SMCR8: variants seen among roughly 807,000 people sequenced by gnomAD.
SMCR8 encodes the protein SMCR8-C9orf72 complex subunit.
In SMCR8, 30 loss-of-function variants were observed where a neutral mutation model predicts 56.6. The observed-to-expected ratio is 0.53, with a 90% confidence interval of 0.40 to 0.72. The LOEUF (loss-of-function observed/expected upper bound fraction) is 0.72. Ranked by LOEUF, SMCR8 falls within the 30% of genes least tolerant of loss-of-function variation. The pLI is 0.00. For missense variants in SMCR8, 1,198 were observed against 1,157.0 expected (o/e 1.04, Z -0.51); for synonymous variants, 538 against 456.0 (o/e 1.18, Z -2.29).
Position 18,317,634 on chromosome 17 carries a change from C to G in SMCR8, c.1845C>G (p.Pro615=), listed in dbSNP as rs766486326. The G allele has an allele frequency of 1.2e-6, 2 of 1,614,150 alleles. No individual in the cohort carries two copies. The highest frequency in any genetic ancestry group is 1.7e-6 in the Non-Finnish European group (2 of 1,180,034). ...HSDEDGVVSS[P]PQRHRQKDQG... ...ACGAGGATGGGGTGGTGAGCAGCCC[C>G]CCACAGCGCCACAGGCAGAAGGACC... The change falls in exon 1 of 2, where the codon CCC becomes CCG. Residue 615 remains proline, a synonymous_variant. Coordinates refer to ENST00000406438, the MANE Select transcript of SMCR8 (RefSeq NM_144775.3).
chr17:18,321,528 C>T (rs1023633536), intron 1 of SMCR8, among the ~76,000 whole-genome samples: 3 of 152,234 alleles, frequency 2.0e-5, no homozygotes, highest in Admixed American at 6.5e-5. Flanking sequence ...GTCTCCACAG[C>T]GACCCCATGA....
chr17:18,318,251 C>A, intron 1 of SMCR8, 102 bp downstream of exon 1: 1 of 1,091,400 alleles, frequency 9.2e-7, no homozygotes, highest in Non-Finnish European at 1.3e-6. Flanking sequence ...TAGACAGGGC[C>A]CAGTTCCTAC....
rs142656271 is a variant in SMCR8 at position 18,321,669 on chromosome 17, A to G, written c.2361-948A>G. On this transcript the variant is annotated intron_variant, in intron 1 of 1. Transcript: ENST00000406438. ...AGCCTGGGAAACATAGCAAACTTCC[A>G]TCTCTACAAAAAATTATCTGGGTGT... Among the ~76,000 whole-genome samples, 15 of 152,284 alleles carry G rather than the reference A, an allele frequency of 9.9e-5. No individual in the cohort carries two copies. The East Asian group carries it at 2.5e-3, about 25-fold the overall frequency.
At position 18,324,864 on chromosome 17, in the gene SMCR8, C is replaced by T. The variant is rs1329284729; in HGVS notation, c.*1794C>T. ...GCCTACATCTCATTGGTTCTCTGTACCTGTGCCCGTTGCGCATGTTCACAG... is the reference window on the plus strand; with the variant it reads ...GCCTACATCTCATTGGTTCTCTGTATCTGTGCCCGTTGCGCATGTTCACAG... On this transcript the variant is annotated 3_prime_UTR_variant, in exon 2 of 2. Coordinates refer to ENST00000406438, the MANE Select transcript of SMCR8 (RefSeq NM_144775.3). The T allele has an allele frequency of 3.3e-5, 5 of 152,246 alleles. No individual in the cohort carries two copies. The highest frequency in any genetic ancestry group is 7.3e-5 in the Non-Finnish European group (5 of 68,052). The allele number at this position is 152,246 out of a possible 1,614,324, so 9.4% of individuals were successfully genotyped here.
rs533852163 is a variant in SMCR8 at position 18,317,282 on chromosome 17, G to C, written c.1493G>C (p.Ser498Thr). 1.2e-6 allele frequency: 2 copies of C among 1,613,964 alleles called. No homozygotes were observed. The highest frequency in any genetic ancestry group is 1.7e-6 in the Non-Finnish European group (2 of 1,180,038). ...DSQASLTVPL[S>T]PQVVRSKAVS... is the part of the protein sequence containing the mutation. ...CAGGCAAGCCTCACAGTACCATTGAGCCCCCAGGTGGTCCGGAGCAAAGCA... is the reference window on the plus strand; with the variant it reads ...CAGGCAAGCCTCACAGTACCATTGACCCCCCAGGTGGTCCGGAGCAAAGCA... The change falls in exon 1 of 2, where the codon AGC becomes ACC. Residue 498 changes from serine (S) to threonine (T), a missense_variant. By Grantham distance (58) the Ser-to-Thr change is moderately conservative. Transcript: ENST00000406438.
intron 1 of SMCR8, 152 bp from the exon 2 acceptor site, chr17:18,322,465 G>T: frequency 1.5e-6 from 1 of 680,630 alleles, no homozygotes; most frequent in Non-Finnish European, 2.5e-6. Flanking sequence ...GCCCTTTGAA[G>T]ATTACAATGA....
rs137938627 is a variant in SMCR8, at chr17:18,316,569, G to A, written c.780G>A (p.Lys260=). 131 of 1,614,070 alleles carry A rather than the reference G, an allele frequency of 8.1e-5. 2 individuals are homozygous for A. The highest frequency in any genetic ancestry group is 3.3e-5 in the Admixed American group (2 of 60,012). ...AGATCCGCTCATACCCTCATCGGAA[G>A]TTGAAGGGGCATGATTTGTGTCCTG... is the stretch of plus-strand genomic sequence containing the variant. ...LKQIRSYPHR[K]LKGHDLCPGE... Residue 260 remains lysine, a synonymous_variant, in exon 1 of 2, where the codon AAG becomes AAA. Transcript: ENST00000406438.
In SMCR8 at chr17:18,323,192, TC is replaced by T; in HGVS notation, c.*125del. 1 of 860,280 alleles carries T rather than the reference TC, an allele frequency of 1.2e-6. No homozygotes were observed. The highest frequency in any genetic ancestry group is 1.8e-6 in the Non-Finnish European group (1 of 560,986). The allele number at this position is 860,280 out of a possible 1,614,324, so 53.3% of individuals were successfully genotyped here. ...AGTTTCTGGTGTCTGGCAGCATGGTTCCCACGTGGCTCCTAGTAGTTTTTAA... is the reference window on the plus strand; with the variant it reads ...AGTTTCTGGTGTCTGGCAGCATGGTTCCACGTGGCTCCTAGTAGTTTTTAA... On this transcript the variant is annotated 3_prime_UTR_variant, in exon 2 of 2. Transcript: ENST00000406438.
Position 18,316,864 on chromosome 17 carries a change from A to C in SMCR8, c.1075A>C (p.Arg359=). The change falls in exon 1 of 2, where the codon AGA becomes CGA. Residue 359 remains arginine (R), a synonymous_variant. Transcript: ENST00000406438. The part of the protein sequence containing the change: ...LCYLLTSQID[R]ALLKQQHITN... ...TTACCTCCTGACCAGTCAGATTGAT[A>C]GAGCACTTCTAAAACAACAGCATAT... The C allele has an allele frequency of 6.2e-7, 1 of 1,614,246 alleles. No homozygotes were observed. The highest frequency in any genetic ancestry group is 8.5e-7 in the Non-Finnish European group (1 of 1,180,050).
At chr17:18,321,112 G>A (rs980407841) in intron 1 of SMCR8, among the ~76,000 whole-genome samples, 4 of 152,222 alleles carry the variant, frequency 2.6e-5, no homozygotes, top group African/African-American at 9.6e-5. Flanking sequence ...AAATATACAA[G>A]AAGATAAAAC....
chr17:18,318,819 G>C (rs1163198675), intron 1 of SMCR8, among the ~76,000 whole-genome samples: 1 of 152,226 alleles, frequency 6.6e-6, no homozygotes, highest in Non-Finnish European at 1.5e-5. Context: ...ACTGCAGGGA[G>C]CATCTCTCTA....
In SMCR8 at chr17:18,317,606, C is replaced by CT. The variant is rs1379585903; in HGVS notation, c.1818dup (p.Asp607Ter). 6.2e-7 allele frequency: 1 copy of CT among 1,614,170 alleles called. No homozygotes were observed. The highest frequency in any genetic ancestry group is 1.1e-5 in the South Asian group (1 of 91,084). Reference sequence around the variant, plus strand: ...CCCTCCACTCCAGCCCACACACACTCTGACGAGGATGGGGTGGTGAGCAGC... The same window carrying CT: ...CCCTCCACTCCAGCCCACACACACTCTTGACGAGGATGGGGTGGTGAGCAGC... On this transcript the variant is annotated frameshift_variant, in exon 1 of 2. Transcript: ENST00000406438. LOFTEE classifies it high-confidence loss of function.
chr17:18,323,704 G>A lies in SMCR8; in HGVS notation c.*634G>A, dbSNP rs759288259. The A allele has an allele frequency of 9.7e-5, 15 of 154,344 alleles. No homozygotes were observed. The highest frequency in any genetic ancestry group is 2.0e-4 in the Non-Finnish European group (14 of 69,518). The allele number at this position is 154,344 out of a possible 1,614,324, so 9.6% of individuals were successfully genotyped here. A position where few individuals can be genotyped will look rare whatever the true frequency, so the allele number is the denominator to read the frequency against. ...ACAGAGCGTGAGCAGCACCCTGTCC[G>A]CTGTCCTCGCCACCTTTACCTGGGA... is the stretch of plus-strand genomic sequence containing the variant. On this transcript the variant is annotated 3_prime_UTR_variant, in exon 2 of 2. Coordinates refer to ENST00000406438, the MANE Select transcript of SMCR8 (RefSeq NM_144775.3).
rs1274566498 is a variant in SMCR8, at chr17:18,326,811, C to G, written c.*3741C>G. 6.6e-6 allele frequency: 1 copy of G among 152,418 alleles called. No individual in the cohort carries two copies. Among genetic ancestry groups the G allele is most frequent in the East Asian group, 1.9e-4 (1 of 5,198 alleles). 9.4% of individuals were successfully genotyped at this position (152,418 alleles called of 1,614,324 possible). ...GCCCCACCGCCCAGGCCCAGCACTGCTTGTTGGGTCAGCATCTAGTGCTGC... is the reference window on the plus strand; with the variant it reads ...GCCCCACCGCCCAGGCCCAGCACTGGTTGTTGGGTCAGCATCTAGTGCTGC... On this transcript the variant is annotated 3_prime_UTR_variant, in exon 2 of 2. Transcript: ENST00000406438.
chr17:18,317,190 C>T lies in SMCR8; in HGVS notation c.1401C>T (p.Ser467=), dbSNP rs926830738. The T allele has an allele frequency of 1.2e-6, 2 of 1,614,100 alleles. No homozygotes were observed. Among genetic ancestry groups the T allele is most frequent in the Admixed American group, 3.3e-5 (2 of 60,016 alleles). ...YLDMDMKGSI[S]SGESIEVLGT... ...ATATGGATATGAAAGGGAGTATCAG[C>T]AGTGGTGAAAGTATTGAAGTTTTGG... Residue 467 remains serine, a synonymous_variant, in exon 1 of 2, where the codon AGC becomes AGT. Coordinates refer to ENST00000406438, the MANE Select transcript of SMCR8 (RefSeq NM_144775.3).
Position 18,317,916 on chromosome 17 carries a change from C to T in SMCR8, c.2127C>T (p.Asn709=), listed in dbSNP as rs776938155. 34 of 1,614,064 alleles carry T rather than the reference C, an allele frequency of 2.1e-5. No individual in the cohort carries two copies. The highest frequency in any genetic ancestry group is 1.2e-4 in the South Asian group (11 of 91,090). Residue 709 remains asparagine, a synonymous_variant, in exon 1 of 2, where the codon AAC becomes AAT. Coordinates refer to ENST00000406438, the MANE Select transcript of SMCR8 (RefSeq NM_144775.3). The stretch of plus-strand genomic sequence containing the variant: ...GGCATAAAAAGAGGGCTGGCCAGAA[C>T]GCCTTAAAATTCATCCGCCAGTACC... ...SDRHKKRAGQ[N]ALKFIRQYPF... is the part of the protein sequence containing the mutation.
chr17:18,322,623 C>G lies in SMCR8; in HGVS notation c.2367C>G (p.Ala789=). 1 of 1,612,812 alleles carries G rather than the reference C, an allele frequency of 6.2e-7. No homozygotes were observed. The highest frequency in any genetic ancestry group is 1.7e-5 in the Admixed American group (1 of 60,002). Residue 789 remains alanine (A), a synonymous_variant, in exon 2 of 2, where the codon GCC becomes GCG. Coordinates refer to ENST00000406438, the MANE Select transcript of SMCR8 (RefSeq NM_144775.3). The part of the protein sequence containing the change: ...KWKLIGLQRV[A]SPAGAGTLHA... ...CTTGGCCTGTCTGTTTCAGAGTGGC[C>G]TCCCCTGCCGGTGCCGGTACCCTCC... is the stretch of plus-strand genomic sequence containing the variant.
Position 18,315,743 on chromosome 17 carries a change from C to T in SMCR8, c.-47C>T. ...GCCTTCTGCGCGTCGATTAACACCG[C>T]ATTCTTTCCCACTTCCTCTCAATGT... is the stretch of plus-strand genomic sequence containing the variant. On this transcript the variant is annotated 5_prime_UTR_variant, in exon 1 of 2. Coordinates refer to ENST00000406438, the MANE Select transcript of SMCR8 (RefSeq NM_144775.3). The T allele has an allele frequency of 6.6e-7, 1 of 1,515,854 alleles. No homozygotes were observed. The highest frequency in any genetic ancestry group is 8.9e-7 in the Non-Finnish European group (1 of 1,123,324). The allele number at this position is 1,515,854 out of a possible 1,614,324, so 93.9% of individuals were successfully genotyped here.
Position 18,315,961 on chromosome 17 carries a change from A to G in SMCR8, c.172A>G (p.Ile58Val), listed in dbSNP as rs141729880. The change falls in exon 1 of 2, where the codon ATT becomes GTT. Residue 58 changes from isoleucine to valine, a missense_variant. Transcript: ENST00000406438. ...LSGAKFSRDF[I>V]LISEFSEQVG... ...CGGGGCCAAGTTTTCGAGGGACTTCATTCTTATTTCCGAGTTCTCTGAGCA... is the reference window on the plus strand; with the variant it reads ...CGGGGCCAAGTTTTCGAGGGACTTCGTTCTTATTTCCGAGTTCTCTGAGCA... 47 of 1,614,124 alleles carry G rather than the reference A, an allele frequency of 2.9e-5. No homozygotes were observed. The highest frequency in any genetic ancestry group is 4.0e-5 in the Non-Finnish European group (47 of 1,180,026).
Sources: allele counts gnomAD v4.1 joint callset (sites outside exome capture counted in the v4.1 genomes callset), GRCh38; gene constraint gnomAD v4.1.1; transcripts MANE v1.5; gene names NCBI Gene and HGNC (gene_info 2026-07-23, HGNC 2026-07-21).